Variants in SLC25A53 observed in about 807,000 individuals in gnomAD.
SLC25A53 encodes the protein mitochondrial carrier triple repeat protein 6.
In SLC25A53, 5 loss-of-function variants were observed where a neutral mutation model predicts 15.0. The observed-to-expected ratio is 0.33, with a 90% confidence interval of 0.17 to 0.70. SLC25A53 has a LOEUF of 0.70. SLC25A53 is among the 30% of genes least tolerant of loss of function. The probability of loss-of-function intolerance (pLI) is 0.67; values close to 1 mark genes in which losing one functional copy is unlikely to be tolerated. For synonymous variants in SLC25A53, 95 were observed against 100.0 expected (o/e 0.95, Z 0.30); for missense variants, 216 against 241.6 (o/e 0.89, Z 0.70).
chrX:104,151,664 G>C (rs1556370366), intron 1 of SLC25A53, among the ~76,000 whole-genome samples: 2 of 111,696 alleles, frequency 1.8e-5, no homozygotes, highest in Non-Finnish European at 3.8e-5. Context: ...ATCTGAACTT[G>C]AATTCTGGAG....
chrX:104,104,958 A>G lies in SLC25A53; in HGVS notation c.300T>C (p.Asp100=). 1 of 1,211,485 alleles carries G rather than the reference A, an allele frequency of 8.3e-7. No individual in the cohort carries two copies. Among genetic ancestry groups the G allele is most frequent in the East Asian group, 3.0e-5 (1 of 33,820 alleles). The change falls in exon 2 of 2, where the codon GAT becomes GAC. Residue 100 remains aspartate, a synonymous_variant. Coordinates refer to ENST00000594199, the MANE Select transcript of SLC25A53 (RefSeq NM_001012755.5). ...LQGTLLFGTY[D]SLLCFLSPVG... The stretch of plus-strand genomic sequence containing the variant: ...CAGGAGAGAGAAAGCACAGCAGGCT[A>G]TCATAAGTCCCAAACAGAAGAGTCC...
chrX:104,109,782 AG>A (rs1455429622), intron 1 of SLC25A53, among the ~76,000 whole-genome samples: 7 of 112,327 alleles, frequency 6.2e-5, no homozygotes, highest in Non-Finnish European at 1.3e-4. Context: ...CTGTCTCAAC[AG>A]GGTTGATAAG....
At position 104,131,663 on chromosome X, in the gene SLC25A53, C is replaced by T. The variant is rs1259351867; in HGVS notation, c.-32+25215G>A. ...TCTTTTCTTCAGTCTCCTAAAGTGA[C>T]TTATTTCTTAGGCTCTCCCCTTATC... On this transcript the variant is annotated intron_variant, in intron 1 of 1. Coordinates refer to ENST00000594199, the MANE Select transcript of SLC25A53 (RefSeq NM_001012755.5). Among the ~76,000 whole-genome samples the T allele has an allele frequency of 3.6e-5, 4 of 111,462 alleles. No individual in the cohort carries two copies. The East Asian group carries it at 1.1e-3, about 31-fold the overall frequency.
At chrX:104,113,997 C>A (rs1400998917) in intron 1 of SLC25A53, 11 of 1,120,003 alleles carry the variant, frequency 9.8e-6, no homozygotes, top group Non-Finnish European at 1.2e-5. Flanking sequence ...AGAATCCCTA[C>A]TGAAATATAA....
intron 1 of SLC25A53, among the ~76,000 whole-genome samples, chrX:104,117,972 C>G (rs1052721880): frequency 9.0e-6 from 1 of 111,518 alleles, no homozygotes; most frequent in Non-Finnish European, 1.9e-5. Flanking sequence ...CCTTCCCCCC[C>G]ATCCTGTCCT....
chrX:104,134,611 T>C (rs1556366104), intron 1 of SLC25A53, among the ~76,000 whole-genome samples: 1 of 111,823 alleles, frequency 8.9e-6, no homozygotes, highest in African/African-American at 3.3e-5. Flanking sequence ...ATGTACCTCA[T>C]AGGTGGGTTG....
At chrX:104,148,092 A>G (rs1207627069) in intron 1 of SLC25A53, among the ~76,000 whole-genome samples, 2 of 110,508 alleles carry the variant, frequency 1.8e-5, no homozygotes, top group Non-Finnish European at 3.8e-5. Context: ...AAAATGTGGC[A>G]CATATACACC....
intron 1 of SLC25A53, chrX:104,114,117 T>G: frequency 8.3e-7 from 1 of 1,211,724 alleles, no homozygotes; most frequent in Non-Finnish European, 1.1e-6. Context: ...CAGTCATGGC[T>G]AGCATCACTG....
chrX:104,109,366 G>C (rs2075327566), intron 1 of SLC25A53, among the ~76,000 whole-genome samples: 2 of 112,083 alleles, frequency 1.8e-5, no homozygotes, highest in Non-Finnish European at 3.8e-5. Context: ...CCTTGGCCAA[G>C]TTTCATCATC....
rs902386346 is a variant in SLC25A53, at chrX:104,142,824, A to G, written c.-32+14054T>C. 1.5e-4 allele frequency among the ~76,000 whole-genome samples: 16 copies of G among 107,970 alleles called. No individual in the cohort carries two copies. In the Admixed American group the frequency reaches 1.5e-3, roughly 10 times the overall value. The allele number at this position is 107,970 out of a possible 115,157, so 93.8% of individuals were successfully genotyped here. On this transcript the variant is annotated intron_variant, in intron 1 of 1. Coordinates refer to ENST00000594199, the MANE Select transcript of SLC25A53 (RefSeq NM_001012755.5). ...TAGTCCCAGCTACTCGGGAGGCTGA[A>G]GCAAGAGAATGGCGTCAACCTGGGA...
chrX:104,148,761 A>C (rs1383111406), intron 1 of SLC25A53, among the ~76,000 whole-genome samples: 2 of 111,178 alleles, frequency 1.8e-5, no homozygotes, highest in Non-Finnish European at 3.8e-5. Flanking sequence ...GCAGCAAACC[A>C]ACATGTCACA....
chrX:104,115,228 G>A, intron 1 of SLC25A53: 1 of 1,206,167 alleles, frequency 8.3e-7, no homozygotes, highest in Non-Finnish European at 1.1e-6. Flanking sequence ...CCAGGTTTTT[G>A]AGAATCTGAT....
chrX:104,140,514 T>C lies in SLC25A53; in HGVS notation c.-32+16364A>G, dbSNP rs945015641. ...AACTAATCACCTCTTGCTCACTCTG[T>C]AGAACTAGGTTAAAACTCATAGCTC... On this transcript the variant is annotated intron_variant, in intron 1 of 1. Transcript: ENST00000594199. 7.2e-5 allele frequency among the ~76,000 whole-genome samples: 8 copies of C among 111,453 alleles called. No homozygotes were observed. The Admixed American group carries it at 7.7e-4, about 11-fold the overall frequency.
chrX:104,104,803 G>A lies in SLC25A53; in HGVS notation c.455C>T (p.Pro152Leu), dbSNP rs782775601. Residue 152 changes from proline (P) to leucine (L), a missense_variant, in exon 2 of 2, where the codon CCC (proline) becomes CTC (leucine). By Grantham distance (98) the Pro-to-Leu change is moderately conservative. Transcript: ENST00000594199. ...LQDGRKQARF[P>L]STFSILKEFN... ...TTCCTTGAGAATGCTGAAGGTGCTG[G>A]GGAAGCGAGCTTGCTTGCGACCATC... is the stretch of plus-strand genomic sequence containing the variant. 8.3e-7 allele frequency: 1 copy of A among 1,211,799 alleles called. No homozygotes were observed. Among genetic ancestry groups the A allele is most frequent in the South Asian group, 1.8e-5 (1 of 56,988 alleles).
At chrX:104,155,764 C>T (rs1442411612) in intron 1 of SLC25A53, among the ~76,000 whole-genome samples, 4 of 111,309 alleles carry the variant, frequency 3.6e-5, no homozygotes, top group Non-Finnish European at 7.5e-5. Flanking sequence ...GTTGTGGGGA[C>T]CGGGCGCGGT....
At chrX:104,132,559 T>C (rs1351545048) in intron 1 of SLC25A53, among the ~76,000 whole-genome samples, 1 of 112,427 alleles carries the variant, frequency 8.9e-6, no homozygotes, top group Non-Finnish European at 1.9e-5. Flanking sequence ...TTCTGGCTTC[T>C]AGTAAATGAC....
chrX:104,128,133 A>G (rs2075416090), intron 1 of SLC25A53, among the ~76,000 whole-genome samples: 1 of 111,696 alleles, frequency 9.0e-6, no homozygotes, highest in Non-Finnish European at 1.9e-5. Flanking sequence ...TTTTACAAAC[A>G]GTGCTAAAAA....
intron 1 of SLC25A53, among the ~76,000 whole-genome samples, chrX:104,144,894 T>C (rs1365608841): frequency 1.8e-5 from 2 of 110,544 alleles, no homozygotes; most frequent in African/African-American, 3.3e-5. Context: ...CTGTCAATAT[T>C]AGATCAACGA....
intron 1 of SLC25A53, among the ~76,000 whole-genome samples, chrX:104,149,077 T>C (rs1305894520): frequency 8.9e-6 from 1 of 112,250 alleles, no homozygotes; most frequent in Non-Finnish European, 1.9e-5. Flanking sequence ...TCCCCTCTAC[T>C]GTCCACTTCT....
Sources: gnomAD v4.1 joint callset for allele counts (sites outside exome capture counted in the v4.1 genomes callset) on GRCh38, gnomAD v4.1.1 for gene constraint, MANE v1.5 for transcripts, NCBI Gene and HGNC (gene_info 2026-07-23, HGNC 2026-07-21) for gene names.